DACH2: variants seen among roughly 807,000 people sequenced by gnomAD.
DACH2 encodes the protein dachshund homolog 2.
DACH2 carries 17 observed loss-of-function variants against 35.8 expected under a neutral mutation model. The observed-to-expected ratio is 0.48, with a 90% CI of 0.33 to 0.71. DACH2 has a LOEUF of 0.71. Ranked by LOEUF, DACH2 falls within the 30% of genes least tolerant of loss-of-function variation. The pLI is 0.02. For missense variants in DACH2, 469 were observed against 472.7 expected (o/e 0.99, Z 0.07); for synonymous variants, 195 against 177.3 (o/e 1.10, Z -0.79).
chrX:86,229,270 T>A, intron 1 of DACH2, among the ~76,000 whole-genome samples: 1 of 111,918 alleles, frequency 8.9e-6, no homozygotes, highest in Non-Finnish European at 1.9e-5. Context: ...GAAGATCAGT[T>A]GGCTGTAAGT....
chrX:86,313,505 C>T (rs781030359), intron 1 of DACH2, among the ~76,000 whole-genome samples: 12 of 111,745 alleles, frequency 1.1e-4, no homozygotes, highest in South Asian at 3.7e-4. Flanking sequence ...AAGAAAACAC[C>T]GACTCAACTT....
intron 2 of DACH2, among the ~76,000 whole-genome samples, chrX:86,414,055 C>A: frequency 9.0e-6 from 1 of 111,181 alleles, no homozygotes; most frequent in Admixed American, 9.6e-5. Context: ...GAGAAAGGTT[C>A]ACTGCAAAAA....
chrX:86,497,925 T>C (rs1367320880), intron 2 of DACH2, among the ~76,000 whole-genome samples: 3 of 110,105 alleles, frequency 2.7e-5, no homozygotes, highest in Non-Finnish European at 3.8e-5. Context: ...ACCCAGGAGG[T>C]AGGGGTTGCA....
chrX:86,667,225 A>T (rs1365196735), intron 4 of DACH2, among the ~76,000 whole-genome samples: 1 of 97,956 alleles, frequency 1.0e-5, no homozygotes, highest in African/African-American at 3.7e-5. Context: ...TCCACCCTGG[A>T]TGACAGAGCA....
At chrX:86,383,425 G>A (rs1280488087) in intron 2 of DACH2, among the ~76,000 whole-genome samples, 1 of 105,936 alleles carries the variant, frequency 9.4e-6, no homozygotes, top group African/African-American at 3.4e-5. Flanking sequence ...ACCAATTGCA[G>A]TCTTTCCTTG....
rs757882356 is a variant in DACH2 at position 86,538,005 on chromosome X, C to T, written c.640+23614C>T. Among the ~76,000 whole-genome samples the T allele has an allele frequency of 4.5e-5, 5 of 110,824 alleles. No homozygotes were observed. In the South Asian group the frequency reaches 2.0e-3, roughly 43 times the overall value. ...TGATTGTAATTTTCCACTACCTACCCAAATCCTATAAAATGGCCCTACCCC... is the reference window on the plus strand; with the variant it reads ...TGATTGTAATTTTCCACTACCTACCTAAATCCTATAAAATGGCCCTACCCC... On this transcript the variant is annotated intron_variant, in intron 3 of 11. Transcript: ENST00000373125.
Position 86,379,723 on chromosome X carries a change from G to A in DACH2, c.527+2861G>A, listed in dbSNP as rs774118320. ...AAACTAGAAAAAAATCTCATTCCTT[G>A]ACAAATCATTCTAGTTGCAGATTTA... On this transcript the variant is annotated intron_variant, in intron 2 of 11. Transcript: ENST00000373125. Among the ~76,000 whole-genome samples, 6 of 110,982 alleles carry A rather than the reference G, an allele frequency of 5.4e-5. No homozygotes were observed. In the South Asian group the frequency reaches 2.2e-3, roughly 41 times the overall value.
intron 1 of DACH2, among the ~76,000 whole-genome samples, chrX:86,376,151 A>ATGTGTGTG (rs57467884): frequency 1.5e-4 from 14 of 95,789 alleles, no homozygotes; most frequent in African/African-American, 4.9e-4. Context: ...GTGTGTGTGT[A>ATGTGTGTG]TGTGTGTGTG....
At chrX:86,166,346 A>ACCACCCCCAGTCCATGTCTCTGGGCCTAG (rs2030944092) in intron 1 of DACH2, among the ~76,000 whole-genome samples, 1 of 110,459 alleles carries the variant, frequency 9.1e-6, no homozygotes, top group African/African-American at 3.3e-5. Flanking sequence ...AAGTTTTAGA[A>ACCACCCCCAGTCCATGTCTCTGGGCCTAG]TTTTTTCTTT....
chrX:86,753,737 G>T (rs756357390), intron 7 of DACH2, among the ~76,000 whole-genome samples: 1 of 110,996 alleles, frequency 9.0e-6, no homozygotes, highest in Admixed American at 9.6e-5. Context: ...ATTCTAAAAT[G>T]CATCTAAAAT....
chrX:86,413,829 C>T (rs1366501065), intron 2 of DACH2, among the ~76,000 whole-genome samples: 1 of 110,540 alleles, frequency 9.0e-6, no homozygotes, highest in Non-Finnish European at 1.9e-5. Context: ...AGTCCAGGGA[C>T]CTACTGGACC....
chrX:86,368,016 T>A (rs2148090663), intron 1 of DACH2, among the ~76,000 whole-genome samples: 1 of 111,774 alleles, frequency 8.9e-6, no homozygotes, highest in African/African-American at 3.2e-5. Flanking sequence ...TTGTCAGTTT[T>A]AATTTCCTAA....
At chrX:86,176,858 A>G (rs1040165841) in intron 1 of DACH2, among the ~76,000 whole-genome samples, 2 of 112,272 alleles carry the variant, frequency 1.8e-5, no homozygotes, top group Non-Finnish European at 3.8e-5. Flanking sequence ...GTAATTTATT[A>G]TAAACTGATT....
At chrX:86,779,995 GA>G (rs1211080617) in intron 7 of DACH2, among the ~76,000 whole-genome samples, 4 of 110,225 alleles carry the variant, frequency 3.6e-5, no homozygotes, top group African/African-American at 1.3e-4. Flanking sequence ...CTAACCTTGA[GA>G]GGCCAGAAAA....
At chrX:86,348,279 G>C (rs2035530070) in intron 1 of DACH2, among the ~76,000 whole-genome samples, 1 of 112,003 alleles carries the variant, frequency 8.9e-6, no homozygotes, top group Non-Finnish European at 1.9e-5. Context: ...TGAGTGATGT[G>C]ATGTTTTATG....
At chrX:86,357,404 T>C (rs1337884838) in intron 1 of DACH2, among the ~76,000 whole-genome samples, 1 of 112,531 alleles carries the variant, frequency 8.9e-6, no homozygotes, top group Non-Finnish European at 1.9e-5. Context: ...TTCTGCATTA[T>C]AGAGCTTTAA....
intron 11 of DACH2, among the ~76,000 whole-genome samples, chrX:86,825,442 AG>A (rs1464092673): frequency 9.0e-6 from 1 of 111,523 alleles, no homozygotes; most frequent in Non-Finnish European, 1.9e-5. Flanking sequence ...AAAAAGAAGA[AG>A]AAAAAACATT....
At chrX:86,508,564 TA>T (rs200231659) in intron 2 of DACH2, among the ~76,000 whole-genome samples, 3 of 103,696 alleles carry the variant, frequency 2.9e-5, no homozygotes, top group Admixed American at 2.1e-4. Flanking sequence ...TGTCTCAAAA[TA>T]AAAAAAAAAG....
intron 4 of DACH2, among the ~76,000 whole-genome samples, chrX:86,683,483 A>G (rs2040906220): frequency 9.0e-6 from 1 of 111,610 alleles, no homozygotes; most frequent in Admixed American, 9.6e-5. Context: ...TCAGTGTTTT[A>G]CTGTATCCTA....
Sources: gnomAD v4.1 joint callset for allele counts (sites outside exome capture counted in the v4.1 genomes callset) on GRCh38, gnomAD v4.1.1 for gene constraint, MANE v1.5 for transcripts, NCBI Gene and HGNC (gene_info 2026-07-23, HGNC 2026-07-21) for gene names.